Variants in EML1 observed in about 807,000 individuals in gnomAD.
The protein encoded by EML1 is echinoderm microtubule-associated protein-like 1.
EML1 carries 27 observed loss-of-function variants against 110.4 expected under a neutral mutation model. That is an observed-to-expected ratio of 0.24 (90% CI 0.18 to 0.34). The LOEUF is 0.34. Ranked by LOEUF, EML1 falls within the 10% of genes least tolerant of loss-of-function variation. The probability of loss-of-function intolerance (pLI) is 1.00; values close to 1 mark genes in which losing one functional copy is unlikely to be tolerated. For synonymous variants in EML1, 344 were observed against 385.8 expected (o/e 0.89, Z 1.27); for missense variants, 741 against 1,030.9 (o/e 0.72, Z 3.85).
chr14:99,931,121 G>C (rs2060359766), intron 17 of EML1, among the ~76,000 whole-genome samples: 1 of 152,056 alleles, frequency 6.6e-6, no homozygotes, highest in South Asian at 2.1e-4. Context: ...CCCCTCCCTG[G>C]GTTGATCCCC....
chr14:99,863,797 C>T (rs192828110), intron 2 of EML1, among the ~76,000 whole-genome samples: 1 of 152,358 alleles, frequency 6.6e-6, no homozygotes, highest in South Asian at 2.1e-4. Context: ...TAAATATTTA[C>T]ATGCGGGTTT....
At chr14:99,900,643 C>T (rs1447019573) in intron 8 of EML1, among the ~76,000 whole-genome samples, 2 of 152,194 alleles carry the variant, frequency 1.3e-5, no homozygotes, top group Non-Finnish European at 2.9e-5. Context: ...TTTAGATGCA[C>T]AAATTAAAGT....
chr14:99,821,491 C>T (rs919743214), intron 1 of EML1, among the ~76,000 whole-genome samples: 4 of 152,190 alleles, frequency 2.6e-5, no homozygotes, highest in Non-Finnish European at 5.9e-5. Flanking sequence ...TCTCTCCCTC[C>T]CTTTTGTCTC....
chr14:99,905,930 C>A lies in EML1; in HGVS notation c.1009-1708C>A, dbSNP rs10150216. On this transcript the variant is annotated intron_variant, in intron 9 of 21. Transcript: ENST00000262233. The surrounding 1 kb of genome is among the most constrained non-coding windows in gnomAD (Gnocchi z 4.1). Reference sequence around the variant, plus strand: ...TCCCATCCTTTGCCCAGGTGTGTGCCCCCCCCTTACCCAAAATCAGCCATT... The same window carrying A: ...TCCCATCCTTTGCCCAGGTGTGTGCACCCCCCTTACCCAAAATCAGCCATT... Among the ~76,000 whole-genome samples, 84,347 of 150,822 alleles carry A rather than the reference C, an allele frequency of 0.56. 23,869 individuals are homozygous for A. The highest frequency in any genetic ancestry group is 0.68 in the African/African-American group (27,660 of 40,692).
intron 4 of EML1, among the ~76,000 whole-genome samples, chr14:99,882,031 A>C (rs1450613377): frequency 6.6e-6 from 1 of 152,256 alleles, no homozygotes; most frequent in East Asian, 1.9e-4. Context: ...TTTTTCAAAT[A>C]CTTTGTAACA....
In EML1 at chr14:99,795,761, C is replaced by G. The variant is rs2057758904; in HGVS notation, c.67+2218C>G. Among the ~76,000 whole-genome samples the G allele has an allele frequency of 2.0e-5, 3 of 152,144 alleles. 1 individual carries two copies. The South Asian group carries it at 6.2e-4, about 32-fold the overall frequency. ...AAATGAGAGACTTACATTACAATGG[C>G]AAGACAGCAGCATAATACATGAACT... On this transcript the variant is annotated intron_variant, in intron 1 of 21. Coordinates refer to ENST00000262233, the MANE Select transcript of EML1 (RefSeq NM_004434.3).
chr14:99,894,115 G>T (rs1278042231), intron 5 of EML1, among the ~76,000 whole-genome samples: 1 of 152,020 alleles, frequency 6.6e-6, no homozygotes, highest in Admixed American at 6.5e-5. Context: ...CACTTCTGCT[G>T]ATTTTGTGTT....
At chr14:99,865,674 A>G (rs751131353) in intron 3 of EML1, 28 bp downstream of exon 3, 7 of 1,611,050 alleles carry the variant, frequency 4.3e-6, no homozygotes, top group Non-Finnish European at 5.9e-6. Context: ...CCTTAAATGA[A>G]CTCTCAAAGC....
In EML1 at chr14:99,914,226, C is replaced by A. The variant is rs773262844; in HGVS notation, c.1542C>A (p.Gly514=). The A allele has an allele frequency of 1.2e-6, 2 of 1,613,878 alleles. No individual in the cohort carries two copies. The highest frequency in any genetic ancestry group is 1.7e-5 in the Admixed American group (1 of 59,988). ...TACGGACAGTGGCCGAGGGGAAAGG[C>A]GATGTGATCTTGATTGGCACAACTC... ...GPIRTVAEGK[G]DVILIGTTRN... Residue 514 remains glycine, a synonymous_variant, in exon 14 of 22, where the codon GGC becomes GGA. Coordinates refer to ENST00000262233, the MANE Select transcript of EML1 (RefSeq NM_004434.3).
rs568269469 is a variant in EML1 at position 99,814,031 on chromosome 14, A to T, written c.67+20488A>T. Among the ~76,000 whole-genome samples the T allele has an allele frequency of 3.2e-3, 493 of 152,278 alleles. 6 individuals carry two copies. Among genetic ancestry groups the T allele is most frequent in the African/African-American group, 0.011 (467 of 41,560 alleles). ...GCAAGCCCAAGATCTAAAACAGATG[A>T]TGAAGAGCTATGTATTTGTCACTGT... On this transcript the variant is annotated intron_variant, in intron 1 of 21. Coordinates refer to ENST00000262233, the MANE Select transcript of EML1 (RefSeq NM_004434.3).
intron 2 of EML1, 59 bp downstream of exon 2, chr14:99,851,094 T>C: frequency 1.3e-6 from 2 of 1,544,392 alleles, no homozygotes; most frequent in South Asian, 2.4e-5. Context: ...AGAATCTTGC[T>C]CTAGCAAACA....
intron 1 of EML1, among the ~76,000 whole-genome samples, chr14:99,798,995 G>C (rs2057827113): frequency 1.3e-5 from 2 of 152,156 alleles, no homozygotes; most frequent in Admixed American, 6.5e-5. Context: ...GGTTGTGATT[G>C]TGGTTAATAG....
At chr14:99,750,393 G>A (rs976213608) in intron 1 of EML1, among the ~76,000 whole-genome samples, 5 of 152,174 alleles carry the variant, frequency 3.3e-5, no homozygotes, top group African/African-American at 1.2e-4. Flanking sequence ...GGGCCCTGCT[G>A]CTATGTCCTC....
At chr14:99,823,044 G>A (rs985177094) in intron 1 of EML1, among the ~76,000 whole-genome samples, 2 of 152,082 alleles carry the variant, frequency 1.3e-5, no homozygotes, top group Non-Finnish European at 2.9e-5. Context: ...CTAAGCGCCG[G>A]GCCCTACAGA....
At position 99,922,003 on chromosome 14, in the gene EML1, T is replaced by C. The variant is rs543510623; in HGVS notation, c.1909+1126T>C. ...CGTGTAAATGGATTCCTACAATATG[T>C]AGTTGGTTGCATCTGACTTCATTCA... On this transcript the variant is annotated intron_variant, in intron 17 of 21. Coordinates refer to ENST00000262233, the MANE Select transcript of EML1 (RefSeq NM_004434.3). Among the ~76,000 whole-genome samples the C allele has an allele frequency of 1.0e-3, 152 of 152,332 alleles. 1 individual carries two copies. The highest frequency in any genetic ancestry group is 3.5e-3 in the African/African-American group (145 of 41,568).
rs745550082 is a variant in EML1, at chr14:99,909,513, C to A, written c.1239+34C>A. 9.3e-6 allele frequency: 15 copies of A among 1,613,420 alleles called. No individual in the cohort carries two copies. In the South Asian group the frequency reaches 1.5e-4, roughly 17 times the overall value. On this transcript the variant is annotated intron_variant, in intron 11 of 21. Transcript: ENST00000262233. ...AAATTATGATTTTTGCTTTATTTTT[C>A]TCTCGTATATGTGATTGGCTAGATG...
At chr14:99,881,190 C>T (rs189807216) in intron 4 of EML1, among the ~76,000 whole-genome samples, 95 of 152,302 alleles carry the variant, frequency 6.2e-4, no homozygotes, top group Admixed American at 5.1e-3. Flanking sequence ...AGTTAGGGTG[C>T]ATGTGAGTGA....
intron 1 of EML1, among the ~76,000 whole-genome samples, chr14:99,753,087 G>A (rs1410410899): frequency 2.0e-5 from 3 of 151,882 alleles, no homozygotes; most frequent in Non-Finnish European, 2.9e-5. Context: ...CAGCGAAGCC[G>A]GCACAGTGGG....
chr14:99,913,708 A>T (rs1036995799), intron 13 of EML1, among the ~76,000 whole-genome samples: 1 of 151,544 alleles, frequency 6.6e-6, no homozygotes, highest in Non-Finnish European at 1.5e-5. Context: ...TGTTTTTTTG[A>T]GATGGAGTTT....
Sources: allele counts gnomAD v4.1 joint callset (sites outside exome capture counted in the v4.1 genomes callset), GRCh38; gene constraint gnomAD v4.1.1; non-coding constraint Gnocchi (gnomAD v3.1); transcripts MANE v1.5; gene names NCBI Gene and HGNC (gene_info 2026-07-23, HGNC 2026-07-21).